ZC3H12B: variants seen among roughly 807,000 people sequenced by gnomAD.
ZC3H12B encodes probable ribonuclease ZC3H12B.
Under a neutral mutation model 43.9 loss-of-function variants are expected in ZC3H12B, and 7 were observed. The ratio of observed to expected loss-of-function variants is 0.16; its 90% confidence interval spans 0.09 to 0.30. The LOEUF is 0.30. ZC3H12B is among the 10% of genes least tolerant of loss of function. ZC3H12B has a pLI of 1.00. For missense variants in ZC3H12B, 475 were observed against 670.2 expected (o/e 0.71, Z 3.22); for synonymous variants, 222 against 241.7 (o/e 0.92, Z 0.76).
chrX:65,110,007 T>C, the ZC3H12B span, among the ~76,000 whole-genome samples: 5 of 111,682 alleles, frequency 4.5e-5, no homozygotes, highest in African/African-American at 1.6e-4. Flanking sequence ...CTGACAGGTG[T>C]GCAGTGATAT....
At chrX:65,286,621 A>G in the ZC3H12B span, among the ~76,000 whole-genome samples, 4 of 111,407 alleles carry the variant, frequency 3.6e-5, no homozygotes, top group African/African-American at 9.8e-5. Context: ...ACACACGTAT[A>G]TAATACATAC....
At chrX:65,272,740 G>T in the ZC3H12B span, 1 of 111,875 alleles carries the variant, frequency 8.9e-6, no homozygotes, top group Non-Finnish European at 1.9e-5. Flanking sequence ...AATATTGAGA[G>T]GTATAGAATC....
chrX:65,230,627 CGAATT>C, the ZC3H12B span, among the ~76,000 whole-genome samples: 7 of 91,336 alleles, frequency 7.7e-5, no homozygotes, highest in African/African-American at 2.8e-4. Context: ...AAAAAAAAAA[CGAATT>C]GAAATTTTAA....
At chrX:65,042,510 T>G in the ZC3H12B span, among the ~76,000 whole-genome samples, 1 of 112,743 alleles carries the variant, frequency 8.9e-6, no homozygotes, top group Non-Finnish European at 1.9e-5. Context: ...TAGATAGCCC[T>G]GAAACTCAGT....
chrX:65,264,457 G>A, the ZC3H12B span, among the ~76,000 whole-genome samples: 3 of 111,808 alleles, frequency 2.7e-5, no homozygotes, highest in Admixed American at 1.9e-4. Flanking sequence ...TACTCAGTTT[G>A]TTATTTACCT....
chrX:65,157,061 G>C, the ZC3H12B span, among the ~76,000 whole-genome samples: 2 of 110,950 alleles, frequency 1.8e-5, no homozygotes, highest in African/African-American at 3.3e-5. Flanking sequence ...GCTCACTGCA[G>C]CTTTGACCTC....
the ZC3H12B span, among the ~76,000 whole-genome samples, chrX:65,296,343 G>C: frequency 9.0e-6 from 1 of 110,723 alleles, no homozygotes; most frequent in Non-Finnish European, 1.9e-5. Flanking sequence ...TGGAATTTGG[G>C]GACTCGGGGA....
At chrX:65,476,251 T>G (rs1366138496) in intron 3 of ZC3H12B, among the ~76,000 whole-genome samples, 1 of 111,688 alleles carries the variant, frequency 9.0e-6, no homozygotes, top group Admixed American at 9.5e-5. Flanking sequence ...TACATTATAT[T>G]TTTATACTAT....
chrX:65,207,483 G>T, the ZC3H12B span, among the ~76,000 whole-genome samples: 2 of 110,641 alleles, frequency 1.8e-5, no homozygotes, highest in Admixed American at 9.7e-5. Flanking sequence ...AGGGCTGAAG[G>T]AAAATGGTGG....
the ZC3H12B span, among the ~76,000 whole-genome samples, chrX:65,071,646 G>A: frequency 8.9e-6 from 1 of 111,853 alleles, no homozygotes; most frequent in Non-Finnish European, 1.9e-5. Flanking sequence ...GGCAGTTCTG[G>A]TGGTAACGAA....
chrX:65,406,588 G>GGGTAT (rs2066826344), intron 3 of ZC3H12B, among the ~76,000 whole-genome samples: 2 of 91,125 alleles, frequency 2.2e-5, no homozygotes, highest in African/African-American at 9.1e-5. Context: ...GGGGCTGGGC[G>GGGTAT]GGGCTGGGCG....
chrX:65,178,326 A>G, the ZC3H12B span, among the ~76,000 whole-genome samples: 13 of 112,020 alleles, frequency 1.2e-4, no homozygotes, highest in African/African-American at 4.2e-4. Context: ...GAAAACCTAG[A>G]CAATACCATT....
intron 3 of ZC3H12B, among the ~76,000 whole-genome samples, chrX:65,403,688 G>GA (rs1275932055): frequency 9.0e-6 from 1 of 111,363 alleles, no homozygotes; most frequent in Non-Finnish European, 1.9e-5. Context: ...GTGTTGAAGG[G>GA]AAAAAACTGT....
At chrX:65,448,538 C>T (rs184448974) in intron 3 of ZC3H12B, among the ~76,000 whole-genome samples, 25 of 111,649 alleles carry the variant, frequency 2.2e-4, no homozygotes, top group Non-Finnish European at 4.1e-4. Flanking sequence ...GATGTGGGAC[C>T]GGGCACTGTG....
chrX:65,437,895 T>A (rs1239075285), intron 3 of ZC3H12B, among the ~76,000 whole-genome samples: 3 of 112,594 alleles, frequency 2.7e-5, no homozygotes, highest in Non-Finnish European at 5.6e-5. Context: ...TATATTTAAG[T>A]CTTTAATCTT....
chrX:65,300,524 T>A, the ZC3H12B span, among the ~76,000 whole-genome samples: 1 of 108,790 alleles, frequency 9.2e-6, no homozygotes, highest in Non-Finnish European at 1.9e-5. Context: ...CCAAGGAGAG[T>A]CTGAGCTCAG....
the ZC3H12B span, among the ~76,000 whole-genome samples, chrX:65,334,286 G>A: frequency 1.8e-5 from 2 of 111,750 alleles, no homozygotes; most frequent in Non-Finnish European, 3.8e-5. Flanking sequence ...TAGCTAATAT[G>A]TTCACATGCA....
the ZC3H12B span, among the ~76,000 whole-genome samples, chrX:65,049,419 A>T: frequency 1.8e-5 from 2 of 111,355 alleles, no homozygotes; most frequent in African/African-American, 6.5e-5. Context: ...ACCATCTGTT[A>T]AAGAGATTAT....
chrX:65,177,330 G>A, the ZC3H12B span, among the ~76,000 whole-genome samples: 25 of 111,701 alleles, frequency 2.2e-4, no homozygotes, highest in Non-Finnish European at 4.3e-4. Flanking sequence ...CATACTGAAC[G>A]GGCAAAAGCT....
Sources: allele counts gnomAD v4.1 joint callset (sites outside exome capture counted in the v4.1 genomes callset), GRCh38; gene constraint gnomAD v4.1.1; transcripts MANE v1.5; gene names NCBI Gene and HGNC (gene_info 2026-07-23, HGNC 2026-07-21).